The following PDE1A variants were observed in gnomAD, a reference collection of about 807,000 sequenced individuals.
PDE1A encodes phosphodiesterase 1A, also known as dual specificity calcium/calmodulin-dependent 3',5'-cyclic nucleotide phosphodiesterase 1A.
In PDE1A, 35 loss-of-function variants were observed where a neutral mutation model predicts 61.7. That is an observed-to-expected ratio of 0.57 (90% CI 0.43 to 0.75). PDE1A has a LOEUF of 0.75. Ranked by LOEUF, PDE1A falls within the 30% of genes least tolerant of loss-of-function variation. The probability of loss-of-function intolerance (pLI) is 0.00; values close to 1 mark genes in which losing one functional copy is unlikely to be tolerated. For missense variants in PDE1A, 597 were observed against 630.6 expected, an observed-to-expected ratio of 0.95 and a Z score of 0.57; for synonymous variants, 232 against 213.2, an observed-to-expected ratio of 1.09 and a Z score of -0.77.
intron 1 of PDE1A, among the ~76,000 whole-genome samples, chr2:182,270,632 G>A (rs902641088): frequency 6.6e-6 from 1 of 151,018 alleles, no homozygotes; most frequent in African/African-American, 2.4e-5. Context: ...CTTGTGATCT[G>A]ATTGAAATAC....
chr2:182,679,253 G>A, the PDE1A span, among the ~76,000 whole-genome samples: 1 of 150,402 alleles, frequency 6.6e-6, no homozygotes, highest in East Asian at 1.9e-4. Flanking sequence ...GTGCAATCTC[G>A]GCTCACTGCA....
intron 13 of PDE1A, among the ~76,000 whole-genome samples, chr2:182,171,654 C>T (rs1000504445): frequency 7.3e-5 from 11 of 151,378 alleles, no homozygotes; most frequent in African/African-American, 1.5e-4. Context: ...GCACTTGGAG[C>T]GGGGCTAATT....
the PDE1A span, among the ~76,000 whole-genome samples, chr2:182,624,701 G>A: frequency 1.3e-5 from 2 of 152,196 alleles, no homozygotes; most frequent in Admixed American, 1.3e-4. Context: ...TGATTATTAA[G>A]TCTATACCTC....
the PDE1A span, among the ~76,000 whole-genome samples, chr2:182,652,996 T>C: frequency 5.3e-5 from 8 of 152,198 alleles, no homozygotes; most frequent in African/African-American, 1.9e-4. Flanking sequence ...CCTCATGAGT[T>C]CTACTGTGTA....
rs1038210291 is a variant in PDE1A at position 182,232,752 on chromosome 2, A to G, written c.418-1621T>C. 2.0e-5 allele frequency among the ~76,000 whole-genome samples: 3 copies of G among 152,318 alleles called. No homozygotes were observed. The East Asian group carries it at 5.8e-4, about 29-fold the overall frequency. ...AGGAGGTCAATAAATCTTTTATCAA[A>G]CTCCAAAGCTAACAAACAAGAGTTA... is the stretch of plus-strand genomic sequence containing the variant. On this transcript the variant is annotated intron_variant, in intron 4 of 13. Transcript: ENST00000351439.
At position 182,240,306 on chromosome 2, in the gene PDE1A, T is replaced by C; in HGVS notation, c.168-14A>G. 1 of 1,505,332 alleles carries C rather than the reference T, an allele frequency of 6.6e-7. No individual in the cohort carries two copies. The highest frequency in any genetic ancestry group is 1.4e-5 in the African/African-American group (1 of 71,040). 93.2% of individuals were successfully genotyped at this position (1,505,332 alleles called of 1,614,324 possible). A position where few individuals can be genotyped will look rare whatever the true frequency, so the allele number is the denominator to read the frequency against. On this transcript the variant is annotated splice_polypyrimidine_tract_variant and intron_variant, in intron 2 of 13. Coordinates refer to ENST00000351439, the Ensembl canonical transcript of PDE1A. Reference sequence around the variant, plus strand: ...TCCAGAAGTCTTCTACAAAAATTTATACAGATTAAACTTTTTTATAAAAAA... The same window carrying C: ...TCCAGAAGTCTTCTACAAAAATTTACACAGATTAAACTTTTTTATAAAAAA...
At chr2:182,238,455 TGAG>T (rs1345462530) in intron 3 of PDE1A, among the ~76,000 whole-genome samples, 1 of 151,854 alleles carries the variant, frequency 6.6e-6, no homozygotes, top group African/African-American at 2.4e-5. Context: ...GGAGTGGAGA[TGAG>T]GAAGTGAGTG....
At chr2:182,646,814 CA>C in the PDE1A span, among the ~76,000 whole-genome samples, 1 of 152,070 alleles carries the variant, frequency 6.6e-6, no homozygotes, top group Non-Finnish European at 1.5e-5. Context: ...AATGAAAGAT[CA>C]GCTAAAAAAT....
chr2:182,262,109 A>G (rs1195048875), intron 2 of PDE1A, among the ~76,000 whole-genome samples: 1 of 149,120 alleles, frequency 6.7e-6, no homozygotes, highest in Non-Finnish European at 1.5e-5. Context: ...ATTCACCAAG[A>G]AAATAATTTC....
At chr2:182,412,503 T>C (rs751920061) in intron 1 of PDE1A, among the ~76,000 whole-genome samples, 27 of 152,230 alleles carry the variant, frequency 1.8e-4, no homozygotes, top group Non-Finnish European at 3.7e-4. Flanking sequence ...ATTACTGTTA[T>C]AATTAGATAT....
intron 2 of PDE1A, among the ~76,000 whole-genome samples, chr2:182,472,976 T>C (rs1400215437): frequency 6.6e-6 from 1 of 151,602 alleles, no homozygotes; most frequent in African/African-American, 2.4e-5. Flanking sequence ...TTTATTGTTA[T>C]TATACTTTAA....
intron 2 of PDE1A, among the ~76,000 whole-genome samples, chr2:182,452,089 T>C (rs1685565292): frequency 6.6e-6 from 1 of 152,066 alleles, no homozygotes; most frequent in African/African-American, 2.4e-5. Context: ...GTCCATTTCA[T>C]CAAGAGGTCT....
chr2:182,203,902 C>G (rs1033780213), intron 8 of PDE1A, among the ~76,000 whole-genome samples: 14 of 151,838 alleles, frequency 9.2e-5, no homozygotes, highest in African/African-American at 3.4e-4. Flanking sequence ...AGTGTTGAAT[C>G]TATTAAATTC....
chr2:182,170,265 C>A (rs1235297660), intron 13 of PDE1A, among the ~76,000 whole-genome samples: 1 of 151,990 alleles, frequency 6.6e-6, no homozygotes, highest in Non-Finnish European at 1.5e-5. Context: ...GACTAAAATT[C>A]TTTCCTTGTA....
the PDE1A span, among the ~76,000 whole-genome samples, chr2:182,637,414 A>G: frequency 6.6e-6 from 1 of 152,242 alleles, no homozygotes; most frequent in Non-Finnish European, 1.5e-5. Flanking sequence ...GATGCCAAAT[A>G]TGGTGAAGAT....
At chr2:182,599,186 C>T in the PDE1A span, among the ~76,000 whole-genome samples, 1 of 152,178 alleles carries the variant, frequency 6.6e-6, no homozygotes, top group South Asian at 2.1e-4. Flanking sequence ...GAAGTGACTG[C>T]TCCCACTGCC....
the PDE1A span, among the ~76,000 whole-genome samples, chr2:182,564,405 A>G: frequency 6.6e-5 from 10 of 152,112 alleles, no homozygotes; most frequent in South Asian, 2.1e-4. Context: ...TGGCTTGTAG[A>G]GTTTCTGCCG....
exon 1 of PDE1A, chr2:182,426,979 C>T: frequency 9.8e-7 from 1 of 1,019,180 alleles, no homozygotes; most frequent in South Asian, 4.4e-5. Context: ...GGTAGGAACT[C>T]CCTAAGTTAT....
chr2:182,568,799 G>A, the PDE1A span, among the ~76,000 whole-genome samples: 1 of 151,686 alleles, frequency 6.6e-6, no homozygotes, highest in Admixed American at 6.6e-5. Context: ...TGAATAAAAT[G>A]GCTTAGAAAC....
Sources: gnomAD v4.1 joint callset for allele counts (sites outside exome capture counted in the v4.1 genomes callset) on GRCh38, gnomAD v4.1.1 for gene constraint, MANE v1.5 for transcripts, NCBI Gene and HGNC (gene_info 2026-07-23, HGNC 2026-07-21) for gene names.